The following BBS9 variants were observed in gnomAD, a reference collection of about 807,000 sequenced individuals.
BBS9 encodes the protein Bardet-Biedl syndrome 9.
In BBS9, 89 loss-of-function variants were observed where a neutral mutation model predicts 117.7. The observed-to-expected ratio is 0.76, with a 90% CI of 0.64 to 0.90. BBS9 has a LOEUF of 0.90. BBS9 is among the 40% of genes least tolerant of loss of function. The pLI is 0.00. For synonymous variants in BBS9, 379 were observed against 370.9 expected (o/e 1.02, Z -0.25); for missense variants, 982 against 1,042.2 (o/e 0.94, Z 0.80).
chr7:33,565,513 AT>A (rs898886196), intron 21 of BBS9, among the ~76,000 whole-genome samples: 17 of 151,704 alleles, frequency 1.1e-4, no homozygotes, highest in African/African-American at 4.1e-4. Flanking sequence ...TCAGTAGTTT[AT>A]TTTCTTTTGT....
intron 19 of BBS9, chr7:33,390,630 A>T: frequency 1.0e-6 from 1 of 964,342 alleles, no homozygotes; most frequent in Non-Finnish European, 1.2e-6. Context: ...CATGAGCATA[A>T]TAAAGTCTAT....
At chr7:33,616,157 T>G (rs1865117718) in intron 21 of BBS9, among the ~76,000 whole-genome samples, 1 of 151,472 alleles carries the variant, frequency 6.6e-6, no homozygotes, top group Non-Finnish European at 1.5e-5. Context: ...ATTTTTATCT[T>G]TATTAGTTTT....
intron 5 of BBS9, among the ~76,000 whole-genome samples, chr7:33,181,133 A>G (rs1348166553): frequency 6.6e-6 from 1 of 152,160 alleles, no homozygotes; most frequent in Non-Finnish European, 1.5e-5. Flanking sequence ...ATCCTGTCAT[A>G]GGATTTGTAC....
intron 9 of BBS9, among the ~76,000 whole-genome samples, chr7:33,307,700 T>C (rs1336870203): frequency 6.6e-6 from 1 of 152,212 alleles, no homozygotes; most frequent in Non-Finnish European, 1.5e-5. Flanking sequence ...ATGTAAATAG[T>C]TGTTATACTG....
chr7:33,471,363 G>A (rs1350708638), intron 19 of BBS9, among the ~76,000 whole-genome samples: 3 of 152,176 alleles, frequency 2.0e-5, no homozygotes, highest in East Asian at 3.8e-4. Flanking sequence ...TCATTCATTA[G>A]TATTTCTTGT....
rs190944314 is a variant in BBS9 at position 33,549,619 on chromosome 7, A to G, written c.2521+15443A>G. 2.3e-3 allele frequency among the ~76,000 whole-genome samples: 348 copies of G among 151,078 alleles called. 2 individuals are homozygous for G. The highest frequency in any genetic ancestry group is 8.5e-3 in the South Asian group (40 of 4,684). On this transcript the variant is annotated intron_variant, in intron 21 of 22. Coordinates refer to ENST00000242067, the MANE Select transcript of BBS9 (RefSeq NM_198428.3). ...AACCACATCAAAAAGTGGGCAAAGG[A>G]CATGAACAGACACTTCTCAAAAGAA...
At chr7:33,481,348 A>C (rs1370778671) in intron 19 of BBS9, among the ~76,000 whole-genome samples, 8 of 152,184 alleles carry the variant, frequency 5.3e-5, no homozygotes, top group Admixed American at 5.2e-4. Context: ...AAGACATTGA[A>C]TATTGTTATT....
intron 19 of BBS9, among the ~76,000 whole-genome samples, chr7:33,431,825 C>T (rs369439090): frequency 7.2e-5 from 11 of 152,050 alleles, no homozygotes; most frequent in African/African-American, 4.8e-5. Flanking sequence ...GATGTGTGGT[C>T]GACATAATAC....
chr7:33,161,101 G>A (rs191973623), intron 4 of BBS9, among the ~76,000 whole-genome samples: 60 of 151,308 alleles, frequency 4.0e-4, no homozygotes, highest in Non-Finnish European at 6.8e-4. Context: ...TAGCAACATG[G>A]AACAGTCACT....
chr7:33,306,865 G>A (rs1445553550), intron 9 of BBS9, among the ~76,000 whole-genome samples: 1 of 152,108 alleles, frequency 6.6e-6, no homozygotes, highest in East Asian at 1.9e-4. Context: ...TGTGACTCTA[G>A]CATGATATAT....
intron 21 of BBS9, among the ~76,000 whole-genome samples, chr7:33,589,296 T>A (rs1279866644): frequency 6.6e-6 from 1 of 152,064 alleles, no homozygotes; most frequent in African/African-American, 2.4e-5. Context: ...ATGAGTTACG[T>A]CCCATGCAGG....
At chr7:33,455,725 G>C (rs573689849) in intron 19 of BBS9, among the ~76,000 whole-genome samples, 8 of 152,268 alleles carry the variant, frequency 5.3e-5, no homozygotes, top group African/African-American at 1.9e-4. Context: ...AAAAGGCCGT[G>C]TCTGAATTGG....
At chr7:33,506,080 G>A (rs934779822) in intron 20 of BBS9, among the ~76,000 whole-genome samples, 4 of 152,200 alleles carry the variant, frequency 2.6e-5, no homozygotes, top group Non-Finnish European at 4.4e-5. Flanking sequence ...TATAACTGAT[G>A]TGAATAGTTC....
intron 21 of BBS9, among the ~76,000 whole-genome samples, chr7:33,540,040 T>C (rs1852029113): frequency 6.6e-6 from 1 of 152,212 alleles, no homozygotes; most frequent in Admixed American, 6.5e-5. Flanking sequence ...TTTTCTATGA[T>C]TATAGCAACT....
chr7:33,600,892 G>A (rs908644938), intron 21 of BBS9, among the ~76,000 whole-genome samples: 14 of 152,272 alleles, frequency 9.2e-5, no homozygotes, highest in Non-Finnish European at 1.6e-4. Flanking sequence ...TCTCAGTTCC[G>A]TCTCTTCAGG....
intron 21 of BBS9, among the ~76,000 whole-genome samples, chr7:33,551,623 A>T (rs1375090888): frequency 6.6e-6 from 1 of 152,166 alleles, no homozygotes; most frequent in Non-Finnish European, 1.5e-5. Flanking sequence ...GCATGGTTCC[A>T]GGTACTGGGG....
At chr7:33,586,904 A>G (rs1421278733) in intron 21 of BBS9, among the ~76,000 whole-genome samples, 1 of 152,080 alleles carries the variant, frequency 6.6e-6, no homozygotes, top group Non-Finnish European at 1.5e-5. Flanking sequence ...AAGATCAGGG[A>G]GGGCAGGAGT....
intron 19 of BBS9, among the ~76,000 whole-genome samples, chr7:33,415,972 A>T (rs7804731): frequency 0.63 from 95,717 of 151,770 alleles, 30,828 homozygotes; most frequent in African/African-American, 0.76. Context: ...TTGCTGGAAC[A>T]ACAGGTGCAT....
intron 22 of BBS9, 88 bp downstream of exon 22, chr7:33,605,063 G>T: frequency 2.7e-6 from 4 of 1,460,734 alleles, no homozygotes; most frequent in Non-Finnish European, 2.9e-6. Context: ...AGAGCATTCC[G>T]CAAAGCTGCT....
Sources: allele counts gnomAD v4.1 joint callset (sites outside exome capture counted in the v4.1 genomes callset), GRCh38; gene constraint gnomAD v4.1.1; transcripts MANE v1.5; gene names NCBI Gene and HGNC (gene_info 2026-07-23, HGNC 2026-07-21).